The following STK40 variants were observed in gnomAD, a reference collection of about 807,000 sequenced individuals.
The protein encoded by STK40 is serine/threonine kinase 40.
Under a neutral mutation model 47.9 loss-of-function variants are expected in STK40, and 13 were observed. The observed-to-expected ratio is 0.27, with a 90% CI of 0.18 to 0.43. STK40 has a LOEUF of 0.43. Ranked by LOEUF, STK40 falls within the 20% of genes least tolerant of loss-of-function variation. STK40 has a pLI of 1.00. For synonymous variants in STK40, 225 were observed against 243.2 expected (o/e 0.93, Z 0.69); for missense variants, 460 against 595.1 (o/e 0.77, Z 2.36).
intron 6 of STK40, among the ~76,000 whole-genome samples, chr1:36,353,766 C>A (rs919429679): frequency 6.6e-6 from 1 of 152,214 alleles, no homozygotes; most frequent in African/African-American, 2.4e-5. Flanking sequence ...GCTGGGACTT[C>A]ACTGCGGTTC....
intron 1 of STK40, among the ~76,000 whole-genome samples, chr1:36,363,063 G>A (rs1397483043): frequency 1.3e-5 from 2 of 152,128 alleles, no homozygotes; most frequent in Non-Finnish European, 2.9e-5. Context: ...GCTGAGGCAC[G>A]AGAATCGCTT....
At chr1:36,355,698 A>G (rs1357492471) in intron 4 of STK40, among the ~76,000 whole-genome samples, 1 of 152,218 alleles carries the variant, frequency 6.6e-6, no homozygotes, top group African/African-American at 2.4e-5. Context: ...TGCTTTGATC[A>G]TAATGCAAAG....
intron 7 of STK40, among the ~76,000 whole-genome samples, chr1:36,347,144 G>A (rs755303144): frequency 2.6e-5 from 4 of 152,134 alleles, no homozygotes; most frequent in East Asian, 1.9e-4. Flanking sequence ...GGGAGCCTCC[G>A]AGGGAGTTGT....
At chr1:36,351,977 C>T (rs890346636) in intron 6 of STK40, among the ~76,000 whole-genome samples, 3 of 152,234 alleles carry the variant, frequency 2.0e-5, no homozygotes, top group Non-Finnish European at 4.4e-5. Flanking sequence ...TATGCTCTCT[C>T]TTTGTGAACA....
At chr1:36,355,897 T>C (rs1290747563) in intron 4 of STK40, among the ~76,000 whole-genome samples, 1 of 152,164 alleles carries the variant, frequency 6.6e-6, no homozygotes, top group Non-Finnish European at 1.5e-5. Flanking sequence ...AGGTTCTGTG[T>C]ATCCAGGACA....
chr1:36,371,946 G>A (rs1046255534), intron 1 of STK40, among the ~76,000 whole-genome samples: 2 of 150,468 alleles, frequency 1.3e-5, no homozygotes, highest in Non-Finnish European at 3.0e-5. Context: ...GCAGTGAGCC[G>A]AGATCACGCC....
At chr1:36,345,082 C>T (rs955766038) in intron 7 of STK40, among the ~76,000 whole-genome samples, 45 of 152,236 alleles carry the variant, frequency 3.0e-4, no homozygotes, top group African/African-American at 9.6e-4. Flanking sequence ...AGCAGCAATA[C>T]AGCCATTGTC....
rs755752056 is a variant in STK40, at chr1:36,358,717, C to CA, written c.198+19dup. The CA allele has an allele frequency of 6.2e-7, 1 of 1,613,418 alleles. No individual in the cohort carries two copies. Among genetic ancestry groups the CA allele is most frequent in the South Asian group, 1.1e-5 (1 of 91,062 alleles). ...ACAGGCCCTGTTCCTGAGGCACCCT[C>CA]ACCCCCATGTCTCACTTACCTTCAG... On this transcript the variant is annotated intron_variant, in intron 3 of 10. Transcript: ENST00000373132.
rs55926307 is a variant in STK40, at chr1:36,341,899, C to T, written c.1164G>A (p.Glu388=). The T allele has an allele frequency of 3.1e-4, 495 of 1,614,026 alleles. No homozygotes were observed. The highest frequency in any genetic ancestry group is 3.9e-4 in the Non-Finnish European group (457 of 1,179,976). Residue 388 remains glutamate (E), a synonymous_variant, in exon 11 of 11, where the codon GAG becomes GAA. Transcript: ENST00000373132. The stretch of plus-strand genomic sequence containing the variant: ...TCCGGGCGTCATGGATGGAGCTCTT[C>T]TCCTCGGCCAGCAGCAGCTGCTGAC... ...YMRQQLLLAE[E]KSSIHDARSW...
chr1:36,363,931 C>A (rs568472408), intron 1 of STK40, among the ~76,000 whole-genome samples: 2 of 151,884 alleles, frequency 1.3e-5, no homozygotes, highest in Non-Finnish European at 2.9e-5. Flanking sequence ...GAGGGAAGAT[C>A]ACGAGGTCAG....
chr1:36,349,731 C>A (rs1165677191), intron 6 of STK40, among the ~76,000 whole-genome samples: 75 of 151,878 alleles, frequency 4.9e-4, no homozygotes. Flanking sequence ...AAGGAAGTGC[C>A]CCGAGAGGAC....
rs759993436 is a variant in STK40, at chr1:36,348,832, G to A, written c.624-17C>T. On this transcript the variant is annotated splice_polypyrimidine_tract_variant and intron_variant, in intron 6 of 10. Transcript: ENST00000373132. ...CGATGTGTCCTAGGAGTGGGAGACAGAGTGAACAAACCTCAGTGTCTATAG... is the reference window on the plus strand; with the variant it reads ...CGATGTGTCCTAGGAGTGGGAGACAAAGTGAACAAACCTCAGTGTCTATAG... 1 of 1,582,058 alleles carries A rather than the reference G, an allele frequency of 6.3e-7. No individual in the cohort carries two copies. Among genetic ancestry groups the A allele is most frequent in the Non-Finnish European group, 8.6e-7 (1 of 1,161,818 alleles).
chr1:36,361,130 A>G lies in STK40; in HGVS notation c.112+91T>C, dbSNP rs555715299. On this transcript the variant is annotated intron_variant, in intron 2 of 10. Transcript: ENST00000373132. ...CACACTGCTGTGGGTGGGCCACCTC[A>G]CTCTGATGTCTGTAGGTCAGATCAT... 14 of 1,497,950 alleles carry G rather than the reference A, an allele frequency of 9.3e-6. No individual in the cohort carries two copies. The African/African-American group carries it at 1.6e-4, about 18-fold the overall frequency. 92.8% of individuals were successfully genotyped at this position (1,497,950 alleles called of 1,614,324 possible).
In STK40 at chr1:36,361,077, G is replaced by A. The variant is rs1339767502; in HGVS notation, c.112+144C>T. ...ATTCTGTTTCAAGTAGTGAAGCTAG[G>A]GACCAAGCCTGGGGCAGGGCAGGAC... On this transcript the variant is annotated intron_variant, in intron 2 of 10. Transcript: ENST00000373132. The A allele has an allele frequency of 1.5e-5, 13 of 879,244 alleles. No individual in the cohort carries two copies. The East Asian group carries it at 2.5e-4, about 17-fold the overall frequency. The allele number at this position is 879,244 out of a possible 1,614,324, so 54.5% of individuals were successfully genotyped here. A position where few individuals can be genotyped will look rare whatever the true frequency, so the allele number is the denominator to read the frequency against.
At chr1:36,356,418 CTT>C (rs1002682531) in intron 4 of STK40, among the ~76,000 whole-genome samples, 17 of 116,794 alleles carry the variant, frequency 1.5e-4, no homozygotes, top group Non-Finnish European at 2.3e-4. Context: ...TCTTCTTTTT[CTT>C]TTTTTTTTTT....
intron 1 of STK40, among the ~76,000 whole-genome samples, chr1:36,382,753 G>A (rs1457219752): frequency 6.6e-6 from 1 of 152,206 alleles, no homozygotes; most frequent in Non-Finnish European, 1.5e-5. Context: ...CCTGTAATAA[G>A]AGCTAACATT....
rs144786418 is a variant in STK40, at chr1:36,367,220, G to T, written c.-8-5880C>A. Among the ~76,000 whole-genome samples the T allele has an allele frequency of 6.6e-3, 1,007 of 152,202 alleles. 13 individuals carry two copies. Among genetic ancestry groups the T allele is most frequent in the African/African-American group, 0.023 (962 of 41,496 alleles). On this transcript the variant is annotated intron_variant, in intron 1 of 10. Transcript: ENST00000373132. Reference sequence around the variant, plus strand: ...ACCTGAACTCAACAGGAAGCTCAGAGAGGCAACAATGAGGGTGAGGGGAGG... The same window carrying T: ...ACCTGAACTCAACAGGAAGCTCAGATAGGCAACAATGAGGGTGAGGGGAGG...
Position 36,347,657 on chromosome 1 carries a change from C to CT in STK40, c.739+1042dup, listed in dbSNP as rs563558488. ...AGTAACTTTATGAGTTTTTTTTTTT[C>CT]TTTTTTTTTTTTTGAGATGGAGTCT... On this transcript the variant is annotated intron_variant, in intron 7 of 10. Transcript: ENST00000373132. 1.0e-2 allele frequency among the ~76,000 whole-genome samples: 1,398 copies of CT among 140,198 alleles called. 18 individuals are homozygous for CT. Among genetic ancestry groups the CT allele is most frequent in the African/African-American group, 0.03 (1,131 of 38,298 alleles). 92.0% of individuals were successfully genotyped at this position (140,198 alleles called of 152,430 possible).
intron 2 of STK40, among the ~76,000 whole-genome samples, 185 bp from the exon 3 acceptor site, chr1:36,359,007 A>G (rs1399308101): frequency 6.6e-6 from 1 of 152,198 alleles, no homozygotes; most frequent in Non-Finnish European, 1.5e-5. Context: ...ATAGAGGGGT[A>G]TGTGTGCTCT....
Sources: allele counts gnomAD v4.1 joint callset (sites outside exome capture counted in the v4.1 genomes callset), GRCh38; gene constraint gnomAD v4.1.1; transcripts MANE v1.5; gene names NCBI Gene and HGNC (gene_info 2026-07-23, HGNC 2026-07-21).